The following AZIN2 variants were observed in gnomAD, a reference collection of about 807,000 sequenced individuals.
AZIN2 encodes the protein antizyme inhibitor 2, also known as ODC antizyme inhibitor-2.
AZIN2 carries 28 observed loss-of-function variants against 47.8 expected under a neutral mutation model. That is an observed-to-expected ratio of 0.59 (90% CI 0.43 to 0.80). The LOEUF is 0.80. Ranked by LOEUF, AZIN2 falls within the 30% of genes least tolerant of loss-of-function variation. The pLI is 0.00. For missense variants in AZIN2, 535 were observed against 582.5 expected (o/e 0.92, Z 0.84); for synonymous variants, 221 against 239.4 (o/e 0.92, Z 0.71).
intron 8 of AZIN2, 21 bp from the exon 9 acceptor site, chr1:33,096,686 T>TC: frequency 6.2e-7 from 1 of 1,613,408 alleles, no homozygotes; most frequent in Non-Finnish European, 8.5e-7. Context: ...CATAATTGTC[T>TC]CCCCATTCTC....
At chr1:33,144,896 G>T in the AZIN2 span, among the ~76,000 whole-genome samples, 3 of 152,194 alleles carry the variant, frequency 2.0e-5, no homozygotes, top group East Asian at 5.8e-4. Context: ...GGAGGCAGCT[G>T]GGGGGATAGG....
chr1:33,094,607 C>A lies in AZIN2; in HGVS notation c.647C>A (p.Ala216Asp), dbSNP rs1450317671. ...GCCTATGCTCAGTCCATCGCAGACG[C>A]CCGGCTCGTGTTTGAAATGGGCACC... ...PQAYAQSIAD[A>D]RLVFEMGTEL... Residue 216 changes from alanine to aspartate, a missense_variant, in exon 8 of 12, where the codon GCC becomes GAC. Ala to Asp is a moderately radical substitution (Grantham distance 126). Coordinates refer to ENST00000294517, the MANE Select transcript of AZIN2 (RefSeq NM_052998.4). 1.2e-6 allele frequency: 2 copies of A among 1,614,060 alleles called. No homozygotes were observed. The highest frequency in any genetic ancestry group is 1.7e-6 in the Non-Finnish European group (2 of 1,180,042).
At chr1:33,141,487 C>G in the AZIN2 span, among the ~76,000 whole-genome samples, 13 of 152,176 alleles carry the variant, frequency 8.5e-5, no homozygotes, top group African/African-American at 3.1e-4. Flanking sequence ...CACTCAGACC[C>G]TTCCAGCATT....
the AZIN2 span, among the ~76,000 whole-genome samples, chr1:33,149,201 G>A: frequency 1.3e-5 from 2 of 152,280 alleles, no homozygotes; most frequent in Non-Finnish European, 2.9e-5. Flanking sequence ...CCCCCAGGCG[G>A]GAATGCAGTG....
chr1:33,147,603 G>A, the AZIN2 span: 184 of 1,614,106 alleles, frequency 1.1e-4, no homozygotes, highest in African/African-American at 2.3e-3. This position sits in a 1 kb window ranked among gnomAD's most constrained non-coding sequence, Gnocchi z 8.1. Context: ...CCTCCACATC[G>A]AAGCGCTTTG....
intron 10 of AZIN2, among the ~76,000 whole-genome samples, chr1:33,106,551 C>T (rs1644016562): frequency 6.6e-6 from 1 of 152,096 alleles, no homozygotes; most frequent in African/African-American, 2.4e-5. Context: ...TTAAAAGGAT[C>T]ATACACCATG....
At position 33,120,511 on chromosome 1, in the gene AZIN2, T is replaced by C. The variant is rs1644771816; in HGVS notation, c.*329T>C. On this transcript the variant is annotated 3_prime_UTR_variant, in exon 12 of 12. Transcript: ENST00000294517. ...TAAATATAATGCAAATAAATAAATA[T>C]TTAGGTTTTTAAAAACTGCAGCGGA... is the stretch of plus-strand genomic sequence containing the variant. The C allele has an allele frequency of 4.2e-6, 1 of 236,902 alleles. No individual in the cohort carries two copies. Among genetic ancestry groups the C allele is most frequent in the African/African-American group, 2.3e-5 (1 of 44,206 alleles). The allele number at this position is 236,902 out of a possible 1,614,324, so 14.7% of individuals were successfully genotyped here. A position where few individuals can be genotyped will look rare whatever the true frequency, so the allele number is the denominator to read the frequency against.
chr1:33,107,933 A>G (rs1051506980), intron 10 of AZIN2, among the ~76,000 whole-genome samples: 4 of 152,210 alleles, frequency 2.6e-5, no homozygotes, highest in Non-Finnish European at 4.4e-5. Flanking sequence ...TGCAGTCCCT[A>G]TCAAAATTCC....
chr1:33,158,318 G>A, the AZIN2 span: 3 of 1,614,068 alleles, frequency 1.9e-6, no homozygotes, highest in Non-Finnish European at 2.5e-6. Context: ...GTACTTGGAG[G>A]TCGGGAAGTC....
the AZIN2 span, chr1:33,158,349 C>T: frequency 6.2e-7 from 1 of 1,613,778 alleles, no homozygotes; most frequent in East Asian, 2.2e-5. Flanking sequence ...AGGTTGGTCT[C>T]ATGGATTTTT....
At chr1:33,139,693 G>T in the AZIN2 span, among the ~76,000 whole-genome samples, 3 of 152,168 alleles carry the variant, frequency 2.0e-5, no homozygotes, top group African/African-American at 7.2e-5. Flanking sequence ...CTCCTGCAGA[G>T]GAAGCCCCTG....
At position 33,103,582 on chromosome 1, in the gene AZIN2, A is replaced by G. The variant is rs1368745970; in HGVS notation, c.1029+5403A>G. 2.0e-5 allele frequency among the ~76,000 whole-genome samples: 3 copies of G among 152,050 alleles called. No individual in the cohort carries two copies. In the South Asian group the frequency reaches 6.2e-4, roughly 32 times the overall value. On this transcript the variant is annotated intron_variant, in intron 10 of 11. Coordinates refer to ENST00000294517, the MANE Select transcript of AZIN2 (RefSeq NM_052998.4). Reference sequence around the variant, plus strand: ...ACCCTGCTTATTTTCTTCACAACCCATCGTAATCTGTTAATTATCTTGTTT... The same window carrying G: ...ACCCTGCTTATTTTCTTCACAACCCGTCGTAATCTGTTAATTATCTTGTTT...
the AZIN2 span, among the ~76,000 whole-genome samples, chr1:33,155,056 G>T: frequency 7.0e-6 from 1 of 142,318 alleles, no homozygotes; most frequent in East Asian, 2.4e-4. Context: ...TCGCGCCACT[G>T]CACTCCAGCC....
At chr1:33,160,069 G>C in the AZIN2 span, 1 of 1,244,142 alleles carries the variant, frequency 8.0e-7, no homozygotes, top group Non-Finnish European at 1.1e-6. Flanking sequence ...CGCGTGGTGG[G>C]GGAAATGTCA....
chr1:33,090,179 G>T (rs1057140044), intron 5 of AZIN2, among the ~76,000 whole-genome samples: 44 of 152,222 alleles, frequency 2.9e-4, no homozygotes, highest in Non-Finnish European at 5.9e-5. Context: ...GGCTGTTCTG[G>T]TGCTACAAAG....
intron 5 of AZIN2, among the ~76,000 whole-genome samples, chr1:33,090,341 G>A (rs1199527044): frequency 2.6e-5 from 4 of 152,070 alleles, no homozygotes; most frequent in Non-Finnish European, 2.9e-5. Flanking sequence ...AGTTGCTGTC[G>A]TCATCATCAT....
intron 5 of AZIN2, among the ~76,000 whole-genome samples, chr1:33,088,249 C>CCCCG (rs1386292164): frequency 3.3e-5 from 5 of 152,178 alleles, no homozygotes; most frequent in African/African-American, 1.2e-4. Context: ...TGTCCCCTTT[C>CCCCG]CCCGTCATGA....
chr1:33,120,275 A>G lies in AZIN2; in HGVS notation c.*93A>G. 1 of 1,511,862 alleles carries G rather than the reference A, an allele frequency of 6.6e-7. No homozygotes were observed. Among genetic ancestry groups the G allele is most frequent in the Non-Finnish European group, 8.9e-7 (1 of 1,127,688 alleles). 93.7% of individuals were successfully genotyped at this position (1,511,862 alleles called of 1,614,324 possible). ...ATGGCAGGCAAGGGTACCCTTGGCC[A>G]GGACTCTGGTGCCCACCCTGCCACC... On this transcript the variant is annotated 3_prime_UTR_variant, in exon 12 of 12. Transcript: ENST00000294517.
In AZIN2 at chr1:33,082,371, G is replaced by A; in HGVS notation, c.105+17G>A. On this transcript the variant is annotated intron_variant, in intron 4 of 11. Coordinates refer to ENST00000294517, the MANE Select transcript of AZIN2 (RefSeq NM_052998.4). ...GCCACCACGGTGAGGGGCTGGGAAT[G>A]GGGGTGGGTCCCCGGTCCCCTGTAC... 1 of 1,604,114 alleles carries A rather than the reference G, an allele frequency of 6.2e-7. No homozygotes were observed.
Sources: gnomAD v4.1 joint callset for allele counts (sites outside exome capture counted in the v4.1 genomes callset) on GRCh38, gnomAD v4.1.1 for gene constraint, Gnocchi (gnomAD v3.1) non-coding constraint, MANE v1.5 for transcripts, NCBI Gene and HGNC (gene_info 2026-07-23, HGNC 2026-07-21) for gene names.